TCF7L1: variants seen among roughly 807,000 people sequenced by gnomAD.
TCF7L1 encodes the protein transcription factor 7-like 1.
A neutral mutation model predicts 63.7 loss-of-function variants in TCF7L1; 18 were observed. That is an observed-to-expected ratio of 0.28 (90% CI 0.20 to 0.42). TCF7L1 has a LOEUF of 0.42. Ranked by LOEUF, TCF7L1 falls within the 10% of genes least tolerant of loss-of-function variation. The probability of loss-of-function intolerance (pLI) is 1.00; values close to 1 mark genes in which losing one functional copy is unlikely to be tolerated. For synonymous variants in TCF7L1, 355 were observed against 340.9 expected (o/e 1.04, Z -0.46); for missense variants, 654 against 779.3 (o/e 0.84, Z 1.91).
intron 3 of TCF7L1, among the ~76,000 whole-genome samples, chr2:85,163,205 G>C (rs1324361112): frequency 6.6e-6 from 1 of 152,148 alleles, no homozygotes; most frequent in East Asian, 1.9e-4. Flanking sequence ...CTCAGGCTTT[G>C]CTGGAATTTT....
At chr2:85,187,991 G>A (rs181703115) in intron 3 of TCF7L1, among the ~76,000 whole-genome samples, 2 of 152,276 alleles carry the variant, frequency 1.3e-5, no homozygotes, top group East Asian at 1.9e-4. Context: ...CAATATAGGC[G>A]AGCCTCAAGG....
At chr2:85,196,821 C>T (rs879400715) in intron 3 of TCF7L1, among the ~76,000 whole-genome samples, 3 of 152,198 alleles carry the variant, frequency 2.0e-5, no homozygotes, top group Non-Finnish European at 2.9e-5. Flanking sequence ...AGAAAGCATT[C>T]CTGCCTTGCT....
chr2:85,163,816 C>T (rs1174095258), intron 3 of TCF7L1, among the ~76,000 whole-genome samples: 1 of 152,132 alleles, frequency 6.6e-6, no homozygotes, highest in Non-Finnish European at 1.5e-5. Context: ...AGTCTTCCCT[C>T]TGTGGATGTC....
chr2:85,189,410 G>A (rs1010532055), intron 3 of TCF7L1, among the ~76,000 whole-genome samples: 1 of 152,226 alleles, frequency 6.6e-6, no homozygotes, highest in Non-Finnish European at 1.5e-5. Context: ...ACATGGAGGC[G>A]CCCTTCAGGG....
chr2:85,297,171 C>T (rs991878400), intron 4 of TCF7L1, among the ~76,000 whole-genome samples: 1 of 152,174 alleles, frequency 6.6e-6, no homozygotes, highest in African/African-American at 2.4e-5. Context: ...TAAGGAAAGG[C>T]TTATCCCAAG....
At chr2:85,280,187 G>A (rs1407649120) in intron 3 of TCF7L1, among the ~76,000 whole-genome samples, 1 of 152,112 alleles carries the variant, frequency 6.6e-6, no homozygotes, top group Non-Finnish European at 1.5e-5. Context: ...TCAGCCCCAG[G>A]AGACATTTGG....
At chr2:85,137,734 A>C (rs1677628388) in intron 3 of TCF7L1, among the ~76,000 whole-genome samples, 1 of 152,040 alleles carries the variant, frequency 6.6e-6, no homozygotes, top group African/African-American at 2.4e-5. Context: ...CTGTACTAAA[A>C]ATACAAAAAT....
intron 3 of TCF7L1, among the ~76,000 whole-genome samples, chr2:85,194,113 G>A (rs1679097041): frequency 6.6e-6 from 1 of 152,104 alleles, no homozygotes; most frequent in African/African-American, 2.4e-5. Context: ...TGTGAATGAA[G>A]AGAGGAGAAG....
At chr2:85,219,057 G>A (rs1416166693) in intron 3 of TCF7L1, among the ~76,000 whole-genome samples, 1 of 152,152 alleles carries the variant, frequency 6.6e-6, no homozygotes, top group Non-Finnish European at 1.5e-5. Flanking sequence ...GGAGGCTGAG[G>A]TGAGAGGATG....
Position 85,306,162 on chromosome 2 carries a change from G to C in TCF7L1, c.990-44G>C. On this transcript the variant is annotated intron_variant, in intron 8 of 11. Transcript: ENST00000282111. The surrounding 1 kb of genome is among the most constrained non-coding windows in gnomAD (Gnocchi z 4.3). ...AGTGACAGGTGGGGATTGATGAGTT[G>C]TGTGACACCTGACATGCTAACCTAC... The C allele has an allele frequency of 6.2e-7, 1 of 1,611,824 alleles. No homozygotes were observed. Among genetic ancestry groups the C allele is most frequent in the Non-Finnish European group, 8.5e-7 (1 of 1,178,464 alleles).
chr2:85,172,033 C>T (rs567660603), intron 3 of TCF7L1, among the ~76,000 whole-genome samples: 46 of 152,222 alleles, frequency 3.0e-4, no homozygotes, highest in South Asian at 6.2e-4. Context: ...TCTCCCGCAC[C>T]GTCCAATGAG....
At chr2:85,227,528 G>C (rs1291356431) in intron 3 of TCF7L1, among the ~76,000 whole-genome samples, 1 of 151,868 alleles carries the variant, frequency 6.6e-6, no homozygotes, top group Admixed American at 6.6e-5. Context: ...TAACAAAAAG[G>C]GTGGGTGGGG....
At chr2:85,212,867 A>G (rs116157122) in intron 3 of TCF7L1, among the ~76,000 whole-genome samples, 89 of 152,298 alleles carry the variant, frequency 5.8e-4, no homozygotes, top group African/African-American at 2.1e-3. Context: ...GGGTCCAAAC[A>G]GAGACATGGG....
At chr2:85,248,251 A>T (rs769421526) in intron 3 of TCF7L1, among the ~76,000 whole-genome samples, 6 of 152,090 alleles carry the variant, frequency 3.9e-5, no homozygotes, top group Admixed American at 3.9e-4. Context: ...AATAACAAAC[A>T]CTTGCTTGGT....
intron 3 of TCF7L1, among the ~76,000 whole-genome samples, chr2:85,280,307 A>T (rs1041756166): frequency 1.3e-5 from 2 of 152,176 alleles, no homozygotes; most frequent in African/African-American, 2.4e-5. Context: ...CACCACCCCC[A>T]ATAAAAAAAG....
chr2:85,226,237 C>CT (rs773498184), intron 3 of TCF7L1, among the ~76,000 whole-genome samples: 1 of 152,106 alleles, frequency 6.6e-6, no homozygotes, highest in African/African-American at 2.4e-5. Context: ...CTAAAATTCT[C>CT]TTTTTTTGCT....
intron 3 of TCF7L1, among the ~76,000 whole-genome samples, chr2:85,194,310 C>T (rs1303972627): frequency 6.6e-6 from 1 of 152,124 alleles, no homozygotes; most frequent in Admixed American, 6.6e-5. Context: ...GGGTGGATTA[C>T]TTGAGGCCAG....
At chr2:85,302,053 G>A (rs577360317) in intron 4 of TCF7L1, among the ~76,000 whole-genome samples, 26 of 152,206 alleles carry the variant, frequency 1.7e-4, no homozygotes, top group African/African-American at 4.6e-4. Context: ...GCTGGAATCC[G>A]GGAGGCAGAG....
intron 3 of TCF7L1, among the ~76,000 whole-genome samples, chr2:85,220,779 A>T (rs1214550072): frequency 1.3e-5 from 2 of 152,228 alleles, no homozygotes; most frequent in African/African-American, 4.8e-5. Flanking sequence ...GCTTATTTTG[A>T]AAGTTATTTT....
Sources: allele counts gnomAD v4.1 joint callset (sites outside exome capture counted in the v4.1 genomes callset), GRCh38; gene constraint gnomAD v4.1.1; non-coding constraint Gnocchi (gnomAD v3.1); transcripts MANE v1.5; gene names NCBI Gene and HGNC (gene_info 2026-07-23, HGNC 2026-07-21).